NFIA: variants seen among roughly 807,000 people sequenced by gnomAD.
The protein encoded by NFIA is nuclear factor I A.
Under a neutral mutation model 62.8 loss-of-function variants are expected in NFIA, and 8 were observed. The ratio of observed to expected loss-of-function variants is 0.13; its 90% CI spans 0.07 to 0.23. The LOEUF (loss-of-function observed/expected upper bound fraction) is 0.23, where lower values mean the gene tolerates loss of function less well. Among genes scored for constraint, NFIA ranks in the 10% least tolerant of loss-of-function variants. NFIA has a pLI of 1.00. For missense variants in NFIA, 410 were observed against 642.1 expected (o/e 0.64, Z 3.91); for synonymous variants, 235 against 238.1 (o/e 0.99, Z 0.12).
intron 10 of NFIA, among the ~76,000 whole-genome samples, chr1:61,432,497 TAGA>T (rs1667140364): frequency 1.3e-5 from 2 of 151,554 alleles, no homozygotes; most frequent in African/African-American, 2.4e-5. Flanking sequence ...TGCCTGAGTG[TAGA>T]AGGTTAGTTA....
chr1:61,086,812 G>A (rs575389767), intron 1 of NFIA, among the ~76,000 whole-genome samples: 7 of 152,058 alleles, frequency 4.6e-5, no homozygotes, highest in Non-Finnish European at 1.5e-5. Flanking sequence ...GGACATTACT[G>A]CTACCTGTGC....
chr1:61,248,837 G>A (rs1346577930), intron 2 of NFIA: 1 of 152,206 alleles, frequency 6.6e-6, no homozygotes, highest in Non-Finnish European at 1.5e-5. Context: ...AACCACTTCT[G>A]AATGCTCATG....
At chr1:61,393,164 T>C (rs1235881080) in intron 7 of NFIA, among the ~76,000 whole-genome samples, 3 of 108,454 alleles carry the variant, frequency 2.8e-5, no homozygotes, top group Non-Finnish European at 5.3e-5. Context: ...ATTTTCCTTT[T>C]TTCAGCATAG....
chr1:61,103,558 G>A (rs1218474215), intron 2 of NFIA, among the ~76,000 whole-genome samples: 1 of 152,124 alleles, frequency 6.6e-6, no homozygotes, highest in African/African-American at 2.4e-5. Context: ...GTTGTATTCA[G>A]TGTTTTTGTA....
intron 10 of NFIA, among the ~76,000 whole-genome samples, chr1:61,442,933 T>C (rs1250677674): frequency 6.6e-6 from 1 of 152,196 alleles, no homozygotes; most frequent in Non-Finnish European, 1.5e-5. Flanking sequence ...CTAAATGGAT[T>C]CCGCTTTCAT....
chr1:61,328,703 A>ATC (rs1661101205), intron 3 of NFIA, among the ~76,000 whole-genome samples: 3 of 143,434 alleles, frequency 2.1e-5, no homozygotes, highest in African/African-American at 7.8e-5. Flanking sequence ...ACAGGCATAA[A>ATC]CCACCGCACC....
rs1443443100 is a variant in NFIA at position 61,439,918 on chromosome 1, A to T, written c.1512+13362A>T. ...TTGGTTAAGTGCACATCTTTGAAAG[A>T]CATTTCATTAAAGTTCAGCTTTCAT... is the stretch of plus-strand genomic sequence containing the variant. On this transcript the variant is annotated intron_variant, in intron 10 of 10. Coordinates refer to ENST00000403491, the MANE Select transcript of NFIA (RefSeq NM_001134673.4). Among the ~76,000 whole-genome samples the T allele has an allele frequency of 2.0e-5, 3 of 152,216 alleles. 1 individual carries two copies. In the East Asian group the frequency reaches 5.8e-4, roughly 29 times the overall value.
intron 2 of NFIA, among the ~76,000 whole-genome samples, chr1:61,166,345 A>G (rs999072636): frequency 2.3e-4 from 35 of 152,230 alleles, no homozygotes; most frequent in Non-Finnish European, 5.0e-4. Context: ...GTCCACACCA[A>G]ATGACTTGCC....
intron 9 of NFIA, among the ~76,000 whole-genome samples, chr1:61,410,344 G>C (rs1280252925): frequency 1.3e-5 from 2 of 152,054 alleles, no homozygotes; most frequent in Non-Finnish European, 2.9e-5. Flanking sequence ...TAAAAATGTA[G>C]GGCAAAACTA....
At chr1:61,390,413 A>G (rs552919763) in intron 7 of NFIA, among the ~76,000 whole-genome samples, 8 of 152,312 alleles carry the variant, frequency 5.3e-5, no homozygotes, top group African/African-American at 1.9e-4. Context: ...TAAAGCAATC[A>G]CCATATAAAC....
chr1:61,377,222 C>CAAAA (rs112943071), intron 6 of NFIA, among the ~76,000 whole-genome samples: 14,479 of 150,182 alleles, frequency 0.096, 679 homozygotes, highest in Admixed American at 0.11. Context: ...GACTCCATCT[C>CAAAA]AAAAAAAAGA....
intron 10 of NFIA, among the ~76,000 whole-genome samples, chr1:61,430,801 G>A (rs541561903): frequency 1.3e-5 from 2 of 152,136 alleles, no homozygotes; most frequent in Admixed American, 1.3e-4. Flanking sequence ...CATTCCTGCC[G>A]AGTTATCTGT....
chr1:61,294,477 G>T lies in NFIA; in HGVS notation c.625+16892G>T, dbSNP rs544517190. Among the ~76,000 whole-genome samples the T allele has an allele frequency of 5.9e-5, 9 of 152,276 alleles. No homozygotes were observed. The South Asian group carries it at 1.2e-3, about 21-fold the overall frequency. ...CCAAAAAAAAAGTTACTTGAAAGGC[G>T]ATTGAAATCATTCTTTTCATTTGCC... On this transcript the variant is annotated intron_variant, in intron 3 of 10. Transcript: ENST00000403491.
At chr1:61,435,694 CA>C (rs759765590) in intron 10 of NFIA, among the ~76,000 whole-genome samples, 2 of 152,112 alleles carry the variant, frequency 1.3e-5, no homozygotes. Context: ...CTGAGAAAAC[CA>C]GCAGAAGATT....
rs780521254 is a variant in NFIA at position 61,383,324 on chromosome 1, C to T, written c.1034C>T (p.Ala345Val). Reference sequence around the variant, plus strand: ...TCACAGACCTCCTCCCTGGGAACGGCGTTCACACAGCATCACCGACCTGTC... The same window carrying T: ...TCACAGACCTCCTCCCTGGGAACGGTGTTCACACAGCATCACCGACCTGTC... ...SPSQTSSLGT[A>V]FTQHHRPVIT... The change falls in exon 7 of 11, where the codon GCG (alanine) becomes GTG (valine). Residue 345 changes from alanine to valine, a missense_variant. Physicochemically the swap from Ala to Val is moderately conservative, Grantham distance 64 (BLOSUM62 0). Around this residue, in one of 3 missense-constraint regions of NFIA, gnomAD observed 298 missense variants for 438.1 expected, o/e 0.68. Transcript: ENST00000403491. 5.0e-6 allele frequency: 8 copies of T among 1,613,974 alleles called. No individual in the cohort carries two copies. Among genetic ancestry groups the T allele is most frequent in the South Asian group, 1.1e-5 (1 of 91,078 alleles).
At chr1:61,433,301 A>G (rs1486995953) in intron 10 of NFIA, among the ~76,000 whole-genome samples, 1 of 152,152 alleles carries the variant, frequency 6.6e-6, no homozygotes, top group African/African-American at 2.4e-5. Flanking sequence ...TTTACTAATG[A>G]TATTAGTCTG....
At chr1:61,341,273 G>A (rs1359564926) in intron 4 of NFIA, among the ~76,000 whole-genome samples, 3 of 151,554 alleles carry the variant, frequency 2.0e-5, no homozygotes, top group Non-Finnish European at 4.4e-5. Context: ...CCGTGGTCTC[G>A]ATCTCCTGAC....
intron 2 of NFIA, among the ~76,000 whole-genome samples, chr1:61,095,935 T>G (rs1646403691): frequency 6.6e-6 from 1 of 151,998 alleles, no homozygotes; most frequent in African/African-American, 2.4e-5. Flanking sequence ...CCCTATACAT[T>G]ACATATATTT....
At chr1:61,117,229 T>G (rs1646807413) in intron 2 of NFIA, among the ~76,000 whole-genome samples, 1 of 152,202 alleles carries the variant, frequency 6.6e-6, no homozygotes, top group Non-Finnish European at 1.5e-5. Flanking sequence ...GCTTTTTCTC[T>G]TATAGGCCCG....
Sources: allele counts gnomAD v4.1 joint callset (sites outside exome capture counted in the v4.1 genomes callset), GRCh38; gene constraint gnomAD v4.1.1; regional missense constraint gnomAD v4.1.1; transcripts MANE v1.5; gene names NCBI Gene and HGNC (gene_info 2026-07-23, HGNC 2026-07-21).